The following TNFSF4 variants were observed in gnomAD, a reference collection of about 807,000 sequenced individuals.
TNFSF4 encodes TNF superfamily member 4, also known as tumor necrosis factor ligand superfamily member 4.
TNFSF4 carries 4 observed loss-of-function variants against 7.3 expected under a neutral mutation model. That is an observed-to-expected ratio of 0.55 (90% confidence interval 0.27 to 1.25). TNFSF4 has a LOEUF of 1.25. Ranked by LOEUF, TNFSF4 falls within the 50% of genes most tolerant of loss-of-function variation. TNFSF4 has a pLI of 0.12. For synonymous variants in TNFSF4, 76 were observed against 83.7 expected (o/e 0.91, Z 0.50); for missense variants, 181 against 208.8 (o/e 0.87, Z 0.82).
At chr1:173,365,153 G>GA in the TNFSF4 span, among the ~76,000 whole-genome samples, 14 of 149,088 alleles carry the variant, frequency 9.4e-5, no homozygotes, top group Non-Finnish European at 1.3e-4. Flanking sequence ...TTGGAAAAAA[G>GA]AAAAAAACAC....
In TNFSF4 at chr1:173,207,093, G is replaced by A; in HGVS notation, c.84C>T (p.Ala28=). 6.2e-7 allele frequency: 1 copy of A among 1,613,838 alleles called. No individual in the cohort carries two copies. Among genetic ancestry groups the A allele is most frequent in the Non-Finnish European group, 8.5e-7 (1 of 1,179,886 alleles). Residue 28 remains alanine, a synonymous_variant, in exon 1 of 3, where the codon GCC becomes GCT. Coordinates refer to ENST00000281834, the MANE Select transcript of TNFSF4 (RefSeq NM_003326.5). ...RFERNKLLLV[A]SVIQGLGLLL... is the part of the protein sequence containing the mutation. Reference sequence around the variant, plus strand: ...GCAGCCCCAGTCCCTGAATTACAGAGGCCACCAGCAATAGCTTGTTCCTCT... The same window carrying A: ...GCAGCCCCAGTCCCTGAATTACAGAAGCCACCAGCAATAGCTTGTTCCTCT...
At chr1:173,297,858 C>G in the TNFSF4 span, among the ~76,000 whole-genome samples, 823 of 152,092 alleles carry the variant, frequency 5.4e-3, 10 homozygotes, top group Middle Eastern at 0.058. Flanking sequence ...GGAAATGCCT[C>G]TGGTTAGAAA....
chr1:173,189,201 C>T (rs1216848672), intron 1 of TNFSF4, among the ~76,000 whole-genome samples: 1 of 152,158 alleles, frequency 6.6e-6, no homozygotes, highest in Non-Finnish European at 1.5e-5. Context: ...CCCCAATTTC[C>T]CATTTTGGAT....
the TNFSF4 span, among the ~76,000 whole-genome samples, chr1:173,235,646 C>A: frequency 6.6e-6 from 1 of 152,198 alleles, no homozygotes; most frequent in Non-Finnish European, 1.5e-5. Flanking sequence ...TTTAGATAAG[C>A]TCAATGTGCA....
At chr1:173,319,726 T>C in the TNFSF4 span, among the ~76,000 whole-genome samples, 6 of 152,176 alleles carry the variant, frequency 3.9e-5, no homozygotes, top group Non-Finnish European at 8.8e-5. Context: ...GGGTCTGAAG[T>C]GGACCTCCAA....
At chr1:173,438,730 A>T in the TNFSF4 span, among the ~76,000 whole-genome samples, 1 of 152,098 alleles carries the variant, frequency 6.6e-6, no homozygotes, top group Non-Finnish European at 1.5e-5. Context: ...TCTTCTATTT[A>T]TTTATATGTT....
At chr1:173,415,055 A>AC in the TNFSF4 span, among the ~76,000 whole-genome samples, 1 of 150,010 alleles carries the variant, frequency 6.7e-6, no homozygotes, top group Admixed American at 6.7e-5. Flanking sequence ...TTTTCCATCC[A>AC]CTCCCCCAGC....
the TNFSF4 span, among the ~76,000 whole-genome samples, chr1:173,263,320 C>T: frequency 6.6e-6 from 1 of 152,090 alleles, no homozygotes; most frequent in African/African-American, 2.4e-5. Flanking sequence ...GCCCAAATAG[C>T]CAAGACAATC....
the TNFSF4 span, among the ~76,000 whole-genome samples, chr1:173,408,761 T>A: frequency 2.0e-5 from 3 of 152,188 alleles, no homozygotes; most frequent in South Asian, 6.2e-4. Flanking sequence ...CTAAATTTTG[T>A]ATTTTTAGTA....
the TNFSF4 span, among the ~76,000 whole-genome samples, chr1:173,349,640 G>C: frequency 2.6e-5 from 4 of 152,042 alleles, no homozygotes; most frequent in Non-Finnish European, 5.9e-5. Flanking sequence ...TATAAATCTT[G>C]GGAATAAGAA....
In TNFSF4 at chr1:173,200,151, C is replaced by G. The variant is rs574988156; in HGVS notation, c.153+6873G>C. ...CAAAAAAGAAAATGAATTTTAAAAA[C>G]AGCTAGCCAACATTCTTAAAGCTCA... On this transcript the variant is annotated intron_variant, in intron 1 of 2. Coordinates refer to ENST00000281834, the MANE Select transcript of TNFSF4 (RefSeq NM_003326.5). Among the ~76,000 whole-genome samples, 4 of 152,282 alleles carry G rather than the reference C, an allele frequency of 2.6e-5. No homozygotes were observed. The South Asian group carries it at 8.3e-4, about 32-fold the overall frequency.
At chr1:173,321,628 GA>G in the TNFSF4 span, among the ~76,000 whole-genome samples, 224 of 147,284 alleles carry the variant, frequency 1.5e-3, 2 homozygotes, top group East Asian at 0.036. Flanking sequence ...AAATTTACAA[GA>G]AAAAAAAAAC....
chr1:173,333,701 C>A, the TNFSF4 span, among the ~76,000 whole-genome samples: 17 of 152,284 alleles, frequency 1.1e-4, no homozygotes, highest in East Asian at 3.1e-3. Context: ...CATTCAGGAA[C>A]CCTGTTCTCA....
chr1:173,407,044 C>G, the TNFSF4 span, among the ~76,000 whole-genome samples: 4 of 152,170 alleles, frequency 2.6e-5, no homozygotes, highest in African/African-American at 9.6e-5. Context: ...AGGGTGACTG[C>G]CTCACTCGGT....
the TNFSF4 span, among the ~76,000 whole-genome samples, chr1:173,228,567 A>G: frequency 1.3e-5 from 2 of 152,242 alleles, no homozygotes; most frequent in Non-Finnish European, 2.9e-5. Flanking sequence ...CAATGGAACA[A>G]AGCTGGACGG....
chr1:173,178,731 A>C (rs1458539545), downstream of TNFSF4, among the ~76,000 whole-genome samples: 1 of 152,126 alleles, frequency 6.6e-6, no homozygotes, highest in Non-Finnish European at 1.5e-5. Flanking sequence ...AATGACCCCC[A>C]AAAATATGTA....
the TNFSF4 span, among the ~76,000 whole-genome samples, chr1:173,450,015 C>T: frequency 6.6e-6 from 1 of 151,954 alleles, no homozygotes; most frequent in African/African-American, 2.4e-5. Flanking sequence ...AAAAGTTCAG[C>T]ACAATTGATA....
chr1:173,325,522 G>C, the TNFSF4 span, among the ~76,000 whole-genome samples: 1 of 152,038 alleles, frequency 6.6e-6, no homozygotes, highest in Non-Finnish European at 1.5e-5. Flanking sequence ...AATCAGAGCA[G>C]AACTGAAGGA....
the TNFSF4 span, among the ~76,000 whole-genome samples, chr1:173,234,668 A>G: frequency 6.6e-6 from 1 of 152,246 alleles, no homozygotes; most frequent in East Asian, 1.9e-4. Flanking sequence ...GCTGGAAACC[A>G]TCATTCTCAG....
Sources: allele counts gnomAD v4.1 joint callset (sites outside exome capture counted in the v4.1 genomes callset), GRCh38; gene constraint gnomAD v4.1.1; transcripts MANE v1.5; gene names NCBI Gene and HGNC (gene_info 2026-07-23, HGNC 2026-07-21).